Variants in CPQ observed in about 807,000 individuals in gnomAD.
The protein encoded by CPQ is Ser-Met dipeptidase.
A neutral mutation model predicts 45.7 loss-of-function variants in CPQ; 37 were observed. That is an observed-to-expected ratio of 0.81 (90% CI 0.62 to 1.07). The LOEUF (loss-of-function observed/expected upper bound fraction) is 1.07. Ranked by LOEUF, CPQ falls within the 50% of genes least tolerant of loss-of-function variation. CPQ has a pLI of 0.00. For missense variants in CPQ, 537 were observed against 572.9 expected, an observed-to-expected ratio of 0.94 and a Z score of 0.64; for synonymous variants, 186 against 205.8, an observed-to-expected ratio of 0.90 and a Z score of 0.82.
At chr8:96,966,321 A>G (rs901880162) in intron 5 of CPQ, among the ~76,000 whole-genome samples, 1 of 152,246 alleles carries the variant, frequency 6.6e-6, no homozygotes, top group Admixed American at 6.5e-5. Context: ...GCTAAAGAAT[A>G]TGCAAGGAAA....
At chr8:96,660,270 AG>A (rs1360370020) in intron 1 of CPQ, among the ~76,000 whole-genome samples, 1 of 151,962 alleles carries the variant, frequency 6.6e-6, no homozygotes, top group Non-Finnish European at 1.5e-5. Flanking sequence ...GTACTTACAT[AG>A]TCTTCTCTCT....
chr8:96,797,688 A>C (rs1810951265), intron 2 of CPQ, among the ~76,000 whole-genome samples: 1 of 152,144 alleles, frequency 6.6e-6, no homozygotes, highest in Non-Finnish European at 1.5e-5. Flanking sequence ...AGGCCGAGGC[A>C]GATGGATCAC....
chr8:96,663,010 A>G (rs997359521), intron 1 of CPQ, among the ~76,000 whole-genome samples: 4 of 152,170 alleles, frequency 2.6e-5, no homozygotes, highest in Admixed American at 1.3e-4. Context: ...CAAAATCTCA[A>G]CGTTAAACTT....
At chr8:96,708,102 C>T (rs759918373) in intron 1 of CPQ, among the ~76,000 whole-genome samples, 3 of 152,058 alleles carry the variant, frequency 2.0e-5, no homozygotes, top group Admixed American at 6.5e-5. Flanking sequence ...GGCCCCCTTC[C>T]TCCATCTTCC....
intron 1 of CPQ, among the ~76,000 whole-genome samples, chr8:96,752,554 A>G (rs951438030): frequency 4.6e-5 from 7 of 152,148 alleles, no homozygotes; most frequent in African/African-American, 1.7e-4. Flanking sequence ...TTCTAGATAT[A>G]AGATCATGTC....
chr8:96,919,052 G>A (rs1024639150), intron 4 of CPQ, among the ~76,000 whole-genome samples: 22 of 151,988 alleles, frequency 1.4e-4, no homozygotes, highest in African/African-American at 5.3e-4. Context: ...TAGCTTTACT[G>A]TGCTGAGTCA....
chr8:96,749,737 T>C (rs968661710), intron 1 of CPQ, among the ~76,000 whole-genome samples: 2 of 152,094 alleles, frequency 1.3e-5, no homozygotes, highest in African/African-American at 4.8e-5. Context: ...AAAAAGGCAC[T>C]TTACACTGTT....
intron 7 of CPQ, among the ~76,000 whole-genome samples, chr8:97,116,607 C>A (rs1283386429): frequency 6.6e-6 from 1 of 151,978 alleles, no homozygotes; most frequent in African/African-American, 2.4e-5. Flanking sequence ...GTGGATCCCT[C>A]TGGTATTTTC....
chr8:96,942,403 C>T (rs1239070797), intron 4 of CPQ, among the ~76,000 whole-genome samples: 3 of 152,158 alleles, frequency 2.0e-5, no homozygotes, highest in Non-Finnish European at 4.4e-5. Flanking sequence ...GGGTGGCCAG[C>T]TCTGCCCAGT....
chr8:97,073,377 G>A (rs963920639), intron 7 of CPQ, among the ~76,000 whole-genome samples: 10 of 152,210 alleles, frequency 6.6e-5, no homozygotes, highest in Admixed American at 6.5e-5. Flanking sequence ...GGACTCCTGC[G>A]TTTTCCAATC....
intron 1 of CPQ, among the ~76,000 whole-genome samples, chr8:96,678,074 G>C (rs551101550): frequency 6.6e-6 from 1 of 152,124 alleles, no homozygotes; most frequent in Non-Finnish European, 1.5e-5. Flanking sequence ...AGTAACTATA[G>C]CCTTGTAGGA....
intron 4 of CPQ, among the ~76,000 whole-genome samples, chr8:96,937,008 C>T (rs1468894376): frequency 1.3e-5 from 2 of 152,048 alleles, no homozygotes; most frequent in Non-Finnish European, 2.9e-5. Context: ...TGGGTATTCC[C>T]TCCTTTCCTT....
chr8:96,880,518 CATATATAT>C (rs200512558), intron 4 of CPQ, among the ~76,000 whole-genome samples: 83 of 97,220 alleles, frequency 8.5e-4, no homozygotes, highest in East Asian at 1.4e-3. Context: ...AATATATGGT[CATATATAT>C]ATATATATAT....
At chr8:96,853,807 T>G (rs1811804557) in intron 3 of CPQ, among the ~76,000 whole-genome samples, 1 of 152,222 alleles carries the variant, frequency 6.6e-6, no homozygotes, top group South Asian at 2.1e-4. Context: ...ATTTTAATTT[T>G]CTACTAAATT....
chr8:96,968,999 T>G (rs1212019458), intron 5 of CPQ, among the ~76,000 whole-genome samples: 1 of 152,258 alleles, frequency 6.6e-6, no homozygotes, highest in Non-Finnish European at 1.5e-5. Flanking sequence ...AATGTTCTGG[T>G]GTCAGTGGAC....
intron 5 of CPQ, among the ~76,000 whole-genome samples, chr8:96,996,018 A>G (rs1003071843): frequency 6.6e-6 from 1 of 151,998 alleles, no homozygotes. Flanking sequence ...AAAATAGAAG[A>G]GAAGCAGGCA....
At chr8:96,880,294 C>T (rs556155987) in intron 4 of CPQ, among the ~76,000 whole-genome samples, 1 of 151,810 alleles carries the variant, frequency 6.6e-6, no homozygotes, top group African/African-American at 2.4e-5. Context: ...TTACTTCAAC[C>T]CCTGTGAAAA....
chr8:96,841,979 A>G (rs1387168592), intron 3 of CPQ, among the ~76,000 whole-genome samples: 5 of 152,226 alleles, frequency 3.3e-5, no homozygotes, highest in African/African-American at 1.2e-4. Context: ...ATAGCTTCAA[A>G]GAGGGTGCTG....
At chr8:96,659,903 A>G (rs1269681295) in intron 1 of CPQ, among the ~76,000 whole-genome samples, 1 of 152,168 alleles carries the variant, frequency 6.6e-6, no homozygotes, top group Non-Finnish European at 1.5e-5. Flanking sequence ...ATTTTAAACC[A>G]CTTTATCCTC....
Sources: allele counts gnomAD v4.1 joint callset (sites outside exome capture counted in the v4.1 genomes callset), GRCh38; gene constraint gnomAD v4.1.1; transcripts MANE v1.5; gene names NCBI Gene and HGNC (gene_info 2026-07-23, HGNC 2026-07-21).